Variants in IPO11 observed in about 807,000 individuals in gnomAD.
IPO11 encodes the protein importin-11.
In IPO11, 66 loss-of-function variants were observed where a neutral mutation model predicts 143.2. That is an observed-to-expected ratio of 0.46 (90% CI 0.38 to 0.57). IPO11 has a LOEUF of 0.57. IPO11 is among the 20% of genes least tolerant of loss of function. IPO11 has a pLI of 0.00. For missense variants in IPO11, 1,026 were observed against 1,141.0 expected, an observed-to-expected ratio of 0.90 and a Z score of 1.45; for synonymous variants, 385 against 377.8, an observed-to-expected ratio of 1.02 and a Z score of -0.22.
chr5:62,557,429 C>T (rs556477925), intron 26 of IPO11, among the ~76,000 whole-genome samples: 5 of 152,222 alleles, frequency 3.3e-5, no homozygotes, highest in Admixed American at 1.3e-4. Flanking sequence ...GTGATCCACC[C>T]GCCTCGGCCT....
intron 27 of IPO11, among the ~76,000 whole-genome samples, chr5:62,571,382 C>T (rs1744126728): frequency 6.6e-6 from 1 of 152,166 alleles, no homozygotes; most frequent in Non-Finnish European, 1.5e-5. Flanking sequence ...CAGCTAGCAC[C>T]TAGGGCTTAT....
At chr5:62,517,236 C>T (rs985958716) in intron 20 of IPO11, among the ~76,000 whole-genome samples, 3 of 151,948 alleles carry the variant, frequency 2.0e-5, no homozygotes, top group African/African-American at 7.2e-5. Flanking sequence ...AGAATCTCTT[C>T]CTGTCTACCT....
intron 29 of IPO11, among the ~76,000 whole-genome samples, chr5:62,621,552 T>C (rs895664702): frequency 1.3e-5 from 2 of 152,138 alleles, no homozygotes; most frequent in Admixed American, 6.5e-5. Flanking sequence ...TCAGGCTGTT[T>C]TAGGCTTGAA....
At chr5:62,547,487 A>C (rs1201141254) in intron 24 of IPO11, among the ~76,000 whole-genome samples, 1 of 152,108 alleles carries the variant, frequency 6.6e-6, no homozygotes, top group African/African-American at 2.4e-5. Flanking sequence ...ATATGTTGCC[A>C]GTTCTAGTTC....
At chr5:62,425,094 C>G (rs1185873765) in intron 1 of IPO11, among the ~76,000 whole-genome samples, 1 of 152,142 alleles carries the variant, frequency 6.6e-6, no homozygotes, top group Non-Finnish European at 1.5e-5. Flanking sequence ...GCATTACTCT[C>G]TAGGCTCCCA....
chr5:62,587,173 C>T (rs900876026), intron 27 of IPO11, among the ~76,000 whole-genome samples: 23 of 151,810 alleles, frequency 1.5e-4, no homozygotes, highest in Middle Eastern at 3.4e-3. Context: ...TGGAGGAGGG[C>T]GACACTGCTG....
chr5:62,549,764 A>G (rs1743331136), intron 24 of IPO11, among the ~76,000 whole-genome samples: 1 of 152,242 alleles, frequency 6.6e-6, no homozygotes, highest in Admixed American at 6.5e-5. Context: ...TTGTTGTAAA[A>G]GAAACATCTC....
intron 26 of IPO11, among the ~76,000 whole-genome samples, chr5:62,552,607 A>G (rs2112351607): frequency 6.6e-6 from 1 of 152,178 alleles, no homozygotes; most frequent in African/African-American, 2.4e-5. Flanking sequence ...AAAAATATTT[A>G]AGAACATAAG....
intron 2 of IPO11, among the ~76,000 whole-genome samples, chr5:62,439,284 G>GTT (rs1226593063): frequency 0.1 from 9,253 of 91,090 alleles, 845 homozygotes; most frequent in African/African-American, 0.12. Context: ...AACTGCGTAG[G>GTT]TTTTTTTTTT....
At chr5:62,459,611 T>C (rs153870) in intron 5 of IPO11, among the ~76,000 whole-genome samples, 104,937 of 151,740 alleles carry the variant, frequency 0.69, 36,679 homozygotes, top group African/African-American at 0.78. Flanking sequence ...AGTGCAGTGG[T>C]GCAATCTTGG....
At chr5:62,513,365 G>GC (rs1436781744) in intron 19 of IPO11, among the ~76,000 whole-genome samples, 1 of 93,788 alleles carries the variant, frequency 1.1e-5, no homozygotes, top group Non-Finnish European at 2.2e-5. Flanking sequence ...GGGGGGCTGA[G>GC]CCCCCCACCT....
intron 20 of IPO11, among the ~76,000 whole-genome samples, chr5:62,521,783 C>T (rs1050141141): frequency 6.6e-6 from 1 of 150,772 alleles, no homozygotes; most frequent in African/African-American, 2.4e-5. Flanking sequence ...GGAATTTTCT[C>T]AGTTTTATCT....
chr5:62,425,160 T>TA (rs1743679636), intron 1 of IPO11, among the ~76,000 whole-genome samples: 1 of 152,196 alleles, frequency 6.6e-6, no homozygotes, highest in African/African-American at 2.4e-5. Flanking sequence ...CTAAACCCTG[T>TA]AATCCCTGTT....
chr5:62,462,075 T>C (rs1745380335), intron 5 of IPO11, among the ~76,000 whole-genome samples: 1 of 152,218 alleles, frequency 6.6e-6, no homozygotes, highest in Non-Finnish European at 1.5e-5. Context: ...GATCTAACTT[T>C]GCCATTAATA....
intron 29 of IPO11, among the ~76,000 whole-genome samples, chr5:62,602,677 C>CCTTA (rs1302755134): frequency 1.3e-5 from 2 of 152,160 alleles, no homozygotes; most frequent in African/African-American, 4.8e-5. Flanking sequence ...AGGGCCTAAT[C>CCTTA]CTTAGCTTAT....
Position 62,435,052 on chromosome 5 carries a change from A to G in IPO11, c.-6-2222A>G, listed in dbSNP as rs181549333. Among the ~76,000 whole-genome samples, 193 of 123,098 alleles carry G rather than the reference A, an allele frequency of 1.6e-3. 2 individuals are homozygous for G. The highest frequency in any genetic ancestry group is 2.1e-3 in the African/African-American group (62 of 30,162). The allele number at this position is 123,098 out of a possible 152,430, so 80.8% of individuals were successfully genotyped here. A position where few individuals can be genotyped will look rare whatever the true frequency, so the allele number is the denominator to read the frequency against. ...AAAAAAAATATATATGTATATGTGT[A>G]TATATATATGTATATATATGTATAT... On this transcript the variant is annotated intron_variant, in intron 1 of 29. Transcript: ENST00000325324.
At chr5:62,614,533 C>A (rs150035521) in intron 29 of IPO11, among the ~76,000 whole-genome samples, 55 of 152,312 alleles carry the variant, frequency 3.6e-4, no homozygotes, top group African/African-American at 1.3e-3. Context: ...GACCCGCCCC[C>A]CCTCACCCCG....
intron 5 of IPO11, among the ~76,000 whole-genome samples, chr5:62,464,058 A>G (rs533581548): frequency 3.1e-4 from 47 of 150,602 alleles, no homozygotes; most frequent in Non-Finnish European, 6.2e-4. Context: ...TCCTGACCTC[A>G]GGTGATCCAC....
intron 1 of IPO11, among the ~76,000 whole-genome samples, chr5:62,423,192 T>A (rs767258837): frequency 2.6e-5 from 4 of 152,220 alleles, no homozygotes; most frequent in Non-Finnish European, 5.9e-5. Context: ...TTGTAGATAT[T>A]TCTGTCTTTA....
Sources: allele counts gnomAD v4.1 joint callset (sites outside exome capture counted in the v4.1 genomes callset), GRCh38; gene constraint gnomAD v4.1.1; transcripts MANE v1.5; gene names NCBI Gene and HGNC (gene_info 2026-07-23, HGNC 2026-07-21).